The following PPP6R3 variants were observed in gnomAD, a reference collection of about 807,000 sequenced individuals.
PPP6R3 encodes the protein serine/threonine-protein phosphatase 6 regulatory subunit 3.
A neutral mutation model predicts 110.7 loss-of-function variants in PPP6R3; 38 were observed. The observed-to-expected ratio is 0.34, with a 90% CI of 0.26 to 0.45. The LOEUF (loss-of-function observed/expected upper bound fraction) is 0.45, where lower values mean the gene tolerates loss of function less well. Among genes scored for constraint, PPP6R3 ranks in the 20% least tolerant of loss-of-function variants. PPP6R3 has a pLI of 1.00. For synonymous variants in PPP6R3, 369 were observed against 373.5 expected (o/e 0.99, Z 0.14); for missense variants, 870 against 1,062.4 (o/e 0.82, Z 2.52).
At chr11:68,483,479 C>A (rs2098928391) in intron 1 of PPP6R3, among the ~76,000 whole-genome samples, 1 of 152,178 alleles carries the variant, frequency 6.6e-6, no homozygotes, top group South Asian at 2.1e-4. Flanking sequence ...ATCCAAAGTC[C>A]ATACTTTAGG....
intron 1 of PPP6R3, among the ~76,000 whole-genome samples, chr11:68,511,781 G>T (rs1466330886): frequency 1.4e-5 from 1 of 72,474 alleles, no homozygotes. Context: ...GCGCCCAGCC[G>T]TGTGTGTGTG....
At chr11:68,588,964 T>G (rs997919851) in intron 16 of PPP6R3, among the ~76,000 whole-genome samples, 4 of 152,056 alleles carry the variant, frequency 2.6e-5, no homozygotes, top group Non-Finnish European at 5.9e-5. Context: ...CCCAGCACTT[T>G]GGGAGGCCGA....
Position 68,514,708 on chromosome 11 carries a change from C to T in PPP6R3, c.-157-4793C>T, listed in dbSNP as rs950937105. Among the ~76,000 whole-genome samples the T allele has an allele frequency of 1.8e-4, 27 of 152,096 alleles. 1 individual carries two copies. Among genetic ancestry groups the T allele is most frequent in the African/African-American group, 6.3e-4 (26 of 41,408 alleles). ...CAAGTGATTCTCCTGCCTCAGGCTC[C>T]CAAGTAGCTGGGATTACAGGTGTGC... On this transcript the variant is annotated intron_variant, in intron 1 of 23. Transcript: ENST00000393800.
At chr11:68,517,183 A>G (rs1015872700) in intron 1 of PPP6R3, among the ~76,000 whole-genome samples, 55 of 149,908 alleles carry the variant, frequency 3.7e-4, no homozygotes, top group African/African-American at 1.3e-3. Context: ...TAGGCTTTCA[A>G]TTTTCTTTCC....
intron 1 of PPP6R3, among the ~76,000 whole-genome samples, chr11:68,473,287 G>A (rs1484240655): frequency 6.6e-6 from 1 of 152,172 alleles, no homozygotes; most frequent in Non-Finnish European, 1.5e-5. Context: ...TTGTGCCCAA[G>A]TAATGTCACT....
In PPP6R3 at chr11:68,615,210, C is replaced by T. The variant is rs1945043159; in HGVS notation, c.*2093C>T. ...CCAAGGACAGGAGCAAGTGTGCCCTCATTTTGTTTCTACTTTTAATTTCTG... is the reference window on the plus strand; with the variant it reads ...CCAAGGACAGGAGCAAGTGTGCCCTTATTTTGTTTCTACTTTTAATTTCTG... On this transcript the variant is annotated 3_prime_UTR_variant, in exon 24 of 24. Coordinates refer to ENST00000393800, the MANE Select transcript of PPP6R3 (RefSeq NM_001164161.2). The T allele has an allele frequency of 2.5e-6, 1 of 393,404 alleles. No homozygotes were observed. 24.4% of individuals were successfully genotyped at this position (393,404 alleles called of 1,614,324 possible).
At chr11:68,509,771 C>T (rs1466375674) in intron 1 of PPP6R3, among the ~76,000 whole-genome samples, 10 of 83,048 alleles carry the variant, frequency 1.2e-4, no homozygotes, top group Admixed American at 5.3e-4. Flanking sequence ...TTTTTTGAGA[C>T]GGAGCTTCGC....
chr11:68,512,986 A>G (rs574851384), intron 1 of PPP6R3, among the ~76,000 whole-genome samples: 8 of 152,170 alleles, frequency 5.3e-5, no homozygotes, highest in Non-Finnish European at 1.0e-4. Context: ...CCAATCAACC[A>G]GGGTCCAGAC....
intron 23 of PPP6R3, among the ~76,000 whole-genome samples, chr11:68,611,576 CCT>C (rs1378608714): frequency 6.6e-6 from 1 of 152,084 alleles, no homozygotes; most frequent in Non-Finnish European, 1.5e-5. Flanking sequence ...GTCCTTCTTT[CCT>C]CTGACACACG....
chr11:68,579,375 C>T (rs769581324), intron 14 of PPP6R3, among the ~76,000 whole-genome samples: 3 of 152,124 alleles, frequency 2.0e-5, no homozygotes, highest in Admixed American at 6.5e-5. Context: ...GTTAACAAAA[C>T]GAAAATTTTA....
intron 1 of PPP6R3, among the ~76,000 whole-genome samples, chr11:68,463,099 C>T (rs145640888): frequency 2.0e-5 from 3 of 152,060 alleles, no homozygotes; most frequent in African/African-American, 7.2e-5. Context: ...TTTGGCCGGG[C>T]GCAGTGGCTC....
rs140310780 is a variant in PPP6R3, at chr11:68,571,187, A to G, written c.1343+83A>G. 268 of 1,476,494 alleles carry G rather than the reference A, an allele frequency of 1.8e-4. 1 individual carries two copies. In the African/African-American group the frequency reaches 3.5e-3, roughly 19 times the overall value. The allele number at this position is 1,476,494 out of a possible 1,614,324, so 91.5% of individuals were successfully genotyped here. A position where few individuals can be genotyped will look rare whatever the true frequency, so the allele number is the denominator to read the frequency against. ...ATACCTCCTTGCCCTAGTCAGAAAA[A>G]AATGGAAATAATTACATGATACTGG... On this transcript the variant is annotated intron_variant, in intron 12 of 23. Transcript: ENST00000393800.
chr11:68,463,370 A>AAAAAAAAAC, intron 1 of PPP6R3, among the ~76,000 whole-genome samples: 1 of 151,188 alleles, frequency 6.6e-6, no homozygotes, highest in African/African-American at 2.4e-5. Flanking sequence ...AAAAAAAAAA[A>AAAAAAAAAC]AAAAAAAGAT....
At chr11:68,576,296 T>C (rs188478239) in intron 14 of PPP6R3, among the ~76,000 whole-genome samples, 2 of 152,368 alleles carry the variant, frequency 1.3e-5, no homozygotes, top group Admixed American at 1.3e-4. Context: ...TCCTACTTAG[T>C]GTCCATTTCC....
chr11:68,461,076 C>T (rs1480982515), intron 1 of PPP6R3, among the ~76,000 whole-genome samples: 10 of 151,484 alleles, frequency 6.6e-5, no homozygotes, highest in Non-Finnish European at 1.2e-4. Context: ...GAGCGGGACG[C>T]GGTCGGGGCG....
intron 1 of PPP6R3, among the ~76,000 whole-genome samples, chr11:68,516,042 A>G (rs2099134875): frequency 6.6e-6 from 1 of 152,164 alleles, no homozygotes; most frequent in African/African-American, 2.4e-5. Context: ...AGTACCTCCA[A>G]TAAGTTGGAA....
intron 1 of PPP6R3, among the ~76,000 whole-genome samples, chr11:68,506,639 A>G (rs568584265): frequency 4.6e-5 from 7 of 152,190 alleles, no homozygotes; most frequent in East Asian, 1.9e-4. Context: ...AGTATTTACT[A>G]CATTCACCAT....
At chr11:68,511,224 G>A (rs767531677) in intron 1 of PPP6R3, among the ~76,000 whole-genome samples, 7 of 151,312 alleles carry the variant, frequency 4.6e-5, no homozygotes, top group South Asian at 2.1e-4. Context: ...GCGCCACCAC[G>A]TCCGGCTAAT....
rs184340446 is a variant in PPP6R3, at chr11:68,487,193, A to G, written c.-158+26366A>G. Among the ~76,000 whole-genome samples the G allele has an allele frequency of 5.9e-3, 899 of 152,194 alleles. 16 individuals carry two copies. Among genetic ancestry groups the G allele is most frequent in the Admixed American group, 0.023 (354 of 15,276 alleles). On this transcript the variant is annotated intron_variant, in intron 1 of 23. Coordinates refer to ENST00000393800, the MANE Select transcript of PPP6R3 (RefSeq NM_001164161.2). ...GGTTTTGGATCTTCTTTTTTAGTGTATTACTCAATGCTATAAATTTCCTTC... is the reference window on the plus strand; with the variant it reads ...GGTTTTGGATCTTCTTTTTTAGTGTGTTACTCAATGCTATAAATTTCCTTC...
Sources: gnomAD v4.1 joint callset for allele counts (sites outside exome capture counted in the v4.1 genomes callset) on GRCh38, gnomAD v4.1.1 for gene constraint, MANE v1.5 for transcripts, NCBI Gene and HGNC (gene_info 2026-07-23, HGNC 2026-07-21) for gene names.